The following SGCZ variants were observed in gnomAD, a reference collection of about 807,000 sequenced individuals.
The protein encoded by SGCZ is sarcoglycan zeta.
In SGCZ, 40 loss-of-function variants were observed where a neutral mutation model predicts 41.3. That is an observed-to-expected ratio of 0.97 (90% CI 0.75 to 1.26). The LOEUF is 1.26. Ranked by LOEUF, SGCZ falls within the 50% of genes most tolerant of loss-of-function variation. SGCZ has a pLI of 0.00. For missense variants in SGCZ, 552 were observed against 369.8 expected (o/e 1.49, Z -4.04); for synonymous variants, 206 against 137.5 (o/e 1.50, Z -3.49).
chr8:14,905,777 A>C (rs1166223163), intron 1 of SGCZ, among the ~76,000 whole-genome samples: 3 of 152,030 alleles, frequency 2.0e-5, no homozygotes, highest in African/African-American at 4.8e-5. Context: ...CACTCAATTA[A>C]ACATTGAATG....
intron 1 of SGCZ, among the ~76,000 whole-genome samples, chr8:14,920,615 T>C (rs929598532): frequency 6.6e-6 from 1 of 152,070 alleles, no homozygotes; most frequent in African/African-American, 2.4e-5. Flanking sequence ...GAAGATATCA[T>C]AGAGGAGGCT....
intron 2 of SGCZ, among the ~76,000 whole-genome samples, chr8:14,355,804 A>G (rs1803272638): frequency 6.6e-6 from 1 of 152,126 alleles, no homozygotes; most frequent in Non-Finnish European, 1.5e-5. Flanking sequence ...CATATTAAAT[A>G]CAAGAATAAA....
At chr8:14,493,586 T>C (rs1029480549) in intron 2 of SGCZ, among the ~76,000 whole-genome samples, 31 of 151,702 alleles carry the variant, frequency 2.0e-4, no homozygotes, top group African/African-American at 7.5e-4. Flanking sequence ...CAATATGGTC[T>C]CGATATCGTG....
chr8:14,093,363 C>A (rs368601127), intron 7 of SGCZ, among the ~76,000 whole-genome samples: 1 of 152,064 alleles, frequency 6.6e-6, no homozygotes, highest in Non-Finnish European at 1.5e-5. Flanking sequence ...GCTCAAAACA[C>A]TCTGATGTCA....
chr8:14,909,702 CA>C (rs1799228171), intron 1 of SGCZ, among the ~76,000 whole-genome samples: 1 of 152,054 alleles, frequency 6.6e-6, no homozygotes, highest in Non-Finnish European at 1.5e-5. Flanking sequence ...ACCAATAACT[CA>C]GCCTGGTTTG....
intron 1 of SGCZ, among the ~76,000 whole-genome samples, chr8:15,110,464 G>C (rs1383229960): frequency 6.6e-6 from 1 of 152,206 alleles, no homozygotes; most frequent in Admixed American, 6.5e-5. Flanking sequence ...ATGGTTTCTA[G>C]CAAGATAGCC....
chr8:14,901,087 C>T (rs1469777045), intron 1 of SGCZ, among the ~76,000 whole-genome samples: 1 of 152,154 alleles, frequency 6.6e-6, no homozygotes, highest in African/African-American at 2.4e-5. Flanking sequence ...AGAGCTTGAA[C>T]TCCTGTTATT....
intron 1 of SGCZ, among the ~76,000 whole-genome samples, chr8:14,803,445 C>T (rs558174136): frequency 7.2e-5 from 11 of 152,166 alleles, no homozygotes; most frequent in African/African-American, 2.4e-4. Flanking sequence ...AGTTCCCTTT[C>T]CTAGTCAAAG....
chr8:14,273,726 G>C (rs774952501), intron 3 of SGCZ, among the ~76,000 whole-genome samples: 4 of 151,874 alleles, frequency 2.6e-5, no homozygotes, highest in Non-Finnish European at 5.9e-5. Context: ...CCTTAACCAA[G>C]AAAAGAAACA....
chr8:14,367,556 C>A (rs1803757849), intron 2 of SGCZ, among the ~76,000 whole-genome samples: 1 of 152,054 alleles, frequency 6.6e-6, no homozygotes, highest in African/African-American at 2.4e-5. Flanking sequence ...TTATGCATTT[C>A]TGGGGAGGCC....
At chr8:14,922,114 A>C (rs1282376208) in intron 1 of SGCZ, among the ~76,000 whole-genome samples, 1 of 152,066 alleles carries the variant, frequency 6.6e-6, no homozygotes, top group Non-Finnish European at 1.5e-5. Context: ...GCTTGATTTC[A>C]AATATCCCTT....
chr8:14,395,708 A>G (rs1798900133), intron 2 of SGCZ, among the ~76,000 whole-genome samples: 1 of 152,278 alleles, frequency 6.6e-6, no homozygotes, highest in South Asian at 2.1e-4. Context: ...CACATAACCT[A>G]GGTGGGCTAC....
intron 1 of SGCZ, among the ~76,000 whole-genome samples, chr8:14,934,602 CTT>C (rs1167243335): frequency 6.6e-6 from 1 of 151,584 alleles, no homozygotes; most frequent in African/African-American, 2.4e-5. Context: ...GCTTAAGACA[CTT>C]GAGGATATAT....
At chr8:14,173,066 G>T (rs1010914369) in intron 4 of SGCZ, among the ~76,000 whole-genome samples, 4 of 152,030 alleles carry the variant, frequency 2.6e-5, no homozygotes, top group African/African-American at 9.7e-5. Flanking sequence ...AAACTATTTA[G>T]ACTGTAAAAT....
chr8:14,501,923 G>A (rs962978412), intron 2 of SGCZ, among the ~76,000 whole-genome samples: 16 of 151,936 alleles, frequency 1.1e-4, no homozygotes, highest in Admixed American at 8.5e-4. Context: ...CACTTTATAT[G>A]TTGAATAAAA....
At chr8:15,127,778 A>G (rs1807759980) in intron 1 of SGCZ, among the ~76,000 whole-genome samples, 1 of 152,212 alleles carries the variant, frequency 6.6e-6, no homozygotes, top group African/African-American at 2.4e-5. Context: ...TTCAACATTA[A>G]TGTTATCAAC....
At chr8:14,857,621 T>C (rs1307410576) in intron 1 of SGCZ, among the ~76,000 whole-genome samples, 2 of 152,198 alleles carry the variant, frequency 1.3e-5, no homozygotes, top group East Asian at 3.9e-4. Flanking sequence ...CCCAGCACTT[T>C]GCAAGGCTAA....
At chr8:14,150,853 T>C (rs982257648) in intron 5 of SGCZ, among the ~76,000 whole-genome samples, 1 of 152,128 alleles carries the variant, frequency 6.6e-6, no homozygotes, top group Non-Finnish European at 1.5e-5. Flanking sequence ...TAAAAAAGAA[T>C]GAAATCCAGT....
chr8:14,957,235 T>TGAATA, intron 1 of SGCZ, among the ~76,000 whole-genome samples: 1 of 152,162 alleles, frequency 6.6e-6, no homozygotes, highest in African/African-American at 2.4e-5. Flanking sequence ...TTCAGTAGAA[T>TGAATA]GAATATGTAT....
Sources: gnomAD v4.1 joint callset for allele counts (sites outside exome capture counted in the v4.1 genomes callset) on GRCh38, gnomAD v4.1.1 for gene constraint, MANE v1.5 for transcripts, NCBI Gene and HGNC (gene_info 2026-07-23, HGNC 2026-07-21) for gene names.